The following KCNH8 variants were observed in gnomAD, a reference collection of about 807,000 sequenced individuals.
KCNH8 encodes voltage-gated delayed rectifier potassium channel KCNH8.
A neutral mutation model predicts 103.6 loss-of-function variants in KCNH8; 70 were observed. That is an observed-to-expected ratio of 0.68 (90% CI 0.56 to 0.82). The LOEUF is 0.82. KCNH8 is among the 40% of genes least tolerant of loss of function. The pLI is 0.00. For missense variants in KCNH8, 1,217 were observed against 1,329.9 expected (o/e 0.92, Z 1.32); for synonymous variants, 498 against 489.4 (o/e 1.02, Z -0.23).
At chr3:19,157,081 A>G (rs565487980) in intron 1 of KCNH8, among the ~76,000 whole-genome samples, 1 of 152,104 alleles carries the variant, frequency 6.6e-6, no homozygotes, top group Admixed American at 6.6e-5. Context: ...TATTGAACTA[A>G]AGGGAACAGA....
intron 1 of KCNH8, among the ~76,000 whole-genome samples, chr3:19,207,604 A>G (rs2063730029): frequency 1.3e-5 from 2 of 152,030 alleles, no homozygotes; most frequent in Admixed American, 1.3e-4. Flanking sequence ...TAATCTGTTA[A>G]TATATATCAA....
chr3:19,394,498 AG>A, intron 6 of KCNH8, among the ~76,000 whole-genome samples: 1 of 151,964 alleles, frequency 6.6e-6, no homozygotes, highest in Non-Finnish European at 1.5e-5. Context: ...AGAGAGAGAG[AG>A]AGAGAGAGCG....
intron 1 of KCNH8, among the ~76,000 whole-genome samples, chr3:19,153,435 C>T (rs1265995902): frequency 6.6e-6 from 1 of 152,026 alleles, no homozygotes; most frequent in Non-Finnish European, 1.5e-5. Context: ...CATGAGACCT[C>T]TTCTGGCCAA....
At chr3:19,218,312 G>T (rs2063837257) in intron 1 of KCNH8, among the ~76,000 whole-genome samples, 1 of 152,148 alleles carries the variant, frequency 6.6e-6, no homozygotes, top group Non-Finnish European at 1.5e-5. Context: ...CTTAGTACTT[G>T]TCCCTGATCC....
chr3:19,150,348 TG>T (rs373349239), intron 1 of KCNH8, among the ~76,000 whole-genome samples: 66 of 149,972 alleles, frequency 4.4e-4, no homozygotes, highest in Admixed American at 5.3e-4. Flanking sequence ...TTAATGTGGA[TG>T]TTTTTTTTTT....
intron 1 of KCNH8, among the ~76,000 whole-genome samples, chr3:19,163,546 T>A (rs1309593038): frequency 6.6e-6 from 1 of 152,040 alleles, no homozygotes; most frequent in Non-Finnish European, 1.5e-5. Context: ...AAGCACAAAT[T>A]TCCAAAAAGT....
At chr3:19,255,793 T>A (rs1026553798) in intron 2 of KCNH8, among the ~76,000 whole-genome samples, 1 of 151,812 alleles carries the variant, frequency 6.6e-6, no homozygotes, top group Admixed American at 6.6e-5. Context: ...AATATTACAA[T>A]GATGTTTATT....
At chr3:19,171,409 C>T (rs2063347326) in intron 1 of KCNH8, among the ~76,000 whole-genome samples, 1 of 152,086 alleles carries the variant, frequency 6.6e-6, no homozygotes, top group Non-Finnish European at 1.5e-5. Flanking sequence ...ATTTATTTCT[C>T]AGTGACTAGA....
At chr3:19,376,419 C>T (rs370261205) in intron 5 of KCNH8, among the ~76,000 whole-genome samples, 108 of 152,306 alleles carry the variant, frequency 7.1e-4, no homozygotes, top group South Asian at 2.7e-3. Context: ...TGACCCCTTG[C>T]GCTTCCCGAG....
intron 3 of KCNH8, among the ~76,000 whole-genome samples, chr3:19,305,364 A>T (rs1443661582): frequency 6.6e-6 from 1 of 152,158 alleles, no homozygotes; most frequent in African/African-American, 2.4e-5. Flanking sequence ...GATGTGGTGC[A>T]TCAAAAGGAG....
intron 1 of KCNH8, among the ~76,000 whole-genome samples, chr3:19,246,914 C>CTCTGT (rs1259993599): frequency 6.6e-6 from 1 of 152,136 alleles, no homozygotes; most frequent in African/African-American, 2.4e-5. Flanking sequence ...CCATTTGTCT[C>CTCTGT]TCTGTTTGTT....
intron 11 of KCNH8, among the ~76,000 whole-genome samples, chr3:19,481,161 T>A (rs548753419): frequency 1.3e-5 from 2 of 152,156 alleles, no homozygotes; most frequent in East Asian, 3.9e-4. Flanking sequence ...CAAGACTTCA[T>A]TGATTTTGTT....
intron 11 of KCNH8, among the ~76,000 whole-genome samples, chr3:19,483,822 T>C (rs2068141146): frequency 6.6e-6 from 1 of 152,160 alleles, no homozygotes; most frequent in Admixed American, 6.5e-5. Context: ...GGATTGGTTA[T>C]TACTAGCTCT....
chr3:19,483,734 A>T (rs1435375679), intron 11 of KCNH8, among the ~76,000 whole-genome samples: 1 of 152,236 alleles, frequency 6.6e-6, no homozygotes, highest in South Asian at 2.1e-4. Context: ...TGAAACTAAG[A>T]TATTTACTCA....
chr3:19,237,052 A>G (rs138537393), intron 1 of KCNH8, among the ~76,000 whole-genome samples: 4 of 152,378 alleles, frequency 2.6e-5, no homozygotes, highest in African/African-American at 7.2e-5. Flanking sequence ...TGGCCAAATT[A>G]AATGGCAATA....
intron 8 of KCNH8, among the ~76,000 whole-genome samples, chr3:19,442,618 A>C (rs559524195): frequency 6.6e-6 from 1 of 152,312 alleles, no homozygotes; most frequent in Admixed American, 6.5e-5. Context: ...ATCAGTGCTC[A>C]TTGGTAAGTG....
chr3:19,165,896 G>C (rs1420894441), intron 1 of KCNH8, among the ~76,000 whole-genome samples: 1 of 152,162 alleles, frequency 6.6e-6, no homozygotes, highest in East Asian at 1.9e-4. Flanking sequence ...TTCTCCTCCA[G>C]ATGTCTCTCC....
At chr3:19,305,029 AC>A (rs1240431833) in intron 3 of KCNH8, among the ~76,000 whole-genome samples, 1 of 152,034 alleles carries the variant, frequency 6.6e-6, no homozygotes, top group Non-Finnish European at 1.5e-5. Context: ...AGATCTAAAA[AC>A]ATGAGTTTCC....
rs2067540098 is a variant in KCNH8 at position 19,456,820 on chromosome 3, G to A, written c.1878G>A (p.Lys626=). ...ANLSIKDQVI[K]TNADVKALTY... is the part of the protein sequence containing the mutation. The stretch of plus-strand genomic sequence containing the variant: ...TATCAATTAAGGACCAAGTGATCAA[G>A]ACCAATGCAGATGTAAAGGCTTTAA... Residue 626 remains lysine, a synonymous_variant, in exon 11 of 16, where the codon AAG becomes AAA. Transcript: ENST00000328405. 3 of 1,611,780 alleles carry A rather than the reference G, an allele frequency of 1.9e-6. No homozygotes were observed. Among genetic ancestry groups the A allele is most frequent in the East Asian group, 2.2e-5 (1 of 44,800 alleles).
Sources: allele counts gnomAD v4.1 joint callset (sites outside exome capture counted in the v4.1 genomes callset), GRCh38; gene constraint gnomAD v4.1.1; transcripts MANE v1.5; gene names NCBI Gene and HGNC (gene_info 2026-07-23, HGNC 2026-07-21).